EPHA3: variants seen among roughly 807,000 people sequenced by gnomAD.
The protein encoded by EPHA3 is ephrin type-A receptor 3.
EPHA3 carries 42 observed loss-of-function variants against 107.1 expected under a neutral mutation model. The ratio of observed to expected loss-of-function variants is 0.39; its 90% CI spans 0.31 to 0.51. The LOEUF (loss-of-function observed/expected upper bound fraction) is 0.51. Among genes scored for constraint, EPHA3 ranks in the 20% least tolerant of loss-of-function variants. EPHA3 has a pLI of 0.78. For synonymous variants in EPHA3, 461 were observed against 424.8 expected (o/e 1.09, Z -1.05); for missense variants, 1,183 against 1,211.2 (o/e 0.98, Z 0.35).
intron 13 of EPHA3, among the ~76,000 whole-genome samples, chr3:89,435,932 G>A (rs911258646): frequency 1.8e-4 from 27 of 150,326 alleles, no homozygotes; most frequent in African/African-American, 6.6e-4. Flanking sequence ...TAGCCTGGGG[G>A]ACAGAGTGAG....
At chr3:89,224,566 T>C (rs771003444) in intron 3 of EPHA3, among the ~76,000 whole-genome samples, 4 of 152,082 alleles carry the variant, frequency 2.6e-5, no homozygotes, top group African/African-American at 4.8e-5. Context: ...ATACACTTTT[T>C]GGTCAGACAC....
At chr3:89,313,087 T>C (rs550182380) in intron 3 of EPHA3, among the ~76,000 whole-genome samples, 2 of 152,140 alleles carry the variant, frequency 1.3e-5, no homozygotes, top group South Asian at 4.1e-4. Flanking sequence ...TTGTATTCCT[T>C]TGGGTATATA....
At chr3:89,241,484 A>G (rs1242699166) in intron 3 of EPHA3, among the ~76,000 whole-genome samples, 1 of 152,126 alleles carries the variant, frequency 6.6e-6, no homozygotes, top group Non-Finnish European at 1.5e-5. Flanking sequence ...TAATGATAAC[A>G]TTTCTACTAT....
At chr3:89,157,131 G>A (rs1351301024) in intron 2 of EPHA3, among the ~76,000 whole-genome samples, 1 of 152,008 alleles carries the variant, frequency 6.6e-6, no homozygotes, top group Non-Finnish European at 1.5e-5. Context: ...ATGAAGTGAA[G>A]GTTTGTACTG....
intron 9 of EPHA3, 95 bp downstream of exon 9, chr3:89,408,226 C>A: frequency 8.3e-7 from 1 of 1,198,382 alleles, no homozygotes; most frequent in Non-Finnish European, 1.2e-6. Context: ...GACAAAGAGA[C>A]TTCAAAAGTA....
intron 3 of EPHA3, among the ~76,000 whole-genome samples, chr3:89,315,617 T>C (rs377692597): frequency 7.8e-6 from 1 of 127,424 alleles, no homozygotes; most frequent in East Asian, 2.3e-4. Context: ...TCCTTTTTAA[T>C]AAAAAAAAAA....
At chr3:89,260,011 C>T (rs1157119717) in intron 3 of EPHA3, among the ~76,000 whole-genome samples, 1 of 152,194 alleles carries the variant, frequency 6.6e-6, no homozygotes, top group East Asian at 1.9e-4. Flanking sequence ...TTTTCAAAGG[C>T]TAAGTAATGT....
intron 3 of EPHA3, among the ~76,000 whole-genome samples, chr3:89,305,737 C>G (rs1288414266): frequency 6.6e-6 from 1 of 152,050 alleles, no homozygotes; most frequent in Non-Finnish European, 1.5e-5. Flanking sequence ...ATCGCTTTCC[C>G]ATGTTTGACT....
At chr3:89,156,433 T>C (rs568590429) in intron 2 of EPHA3, among the ~76,000 whole-genome samples, 2 of 152,228 alleles carry the variant, frequency 1.3e-5, no homozygotes, top group African/African-American at 4.8e-5. Context: ...ATAAATTGTT[T>C]ATTTTTTAAG....
intron 5 of EPHA3, among the ~76,000 whole-genome samples, chr3:89,363,209 G>C (rs1046962441): frequency 6.6e-6 from 1 of 150,778 alleles, no homozygotes; most frequent in African/African-American, 2.4e-5. Flanking sequence ...GAGATAGAGA[G>C]GGGGCAGGGA....
At chr3:89,205,402 A>T (rs1706075709) in intron 2 of EPHA3, among the ~76,000 whole-genome samples, 1 of 152,206 alleles carries the variant, frequency 6.6e-6, no homozygotes, top group African/African-American at 2.4e-5. Context: ...TATCTAGAAA[A>T]TATAAACTAA....
chr3:89,428,419 G>C (rs192063844), intron 11 of EPHA3, among the ~76,000 whole-genome samples: 1 of 151,962 alleles, frequency 6.6e-6, no homozygotes, highest in Non-Finnish European at 1.5e-5. Flanking sequence ...TGGGTTAAAG[G>C]TTTCATGGTA....
At chr3:89,201,007 G>C (rs1217442997) in intron 2 of EPHA3, among the ~76,000 whole-genome samples, 1 of 152,116 alleles carries the variant, frequency 6.6e-6, no homozygotes, top group Admixed American at 6.5e-5. Context: ...CTGTTTTCAC[G>C]TTGCTATAAA....
intron 16 of EPHA3, among the ~76,000 whole-genome samples, chr3:89,476,731 C>T (rs1396282738): frequency 2.6e-5 from 4 of 151,590 alleles, no homozygotes; most frequent in African/African-American, 7.3e-5. Flanking sequence ...CCTCAGCCTC[C>T]GGAGTAGCTG....
intron 3 of EPHA3, among the ~76,000 whole-genome samples, chr3:89,240,927 A>G (rs1704879235): frequency 6.6e-6 from 1 of 152,160 alleles, no homozygotes. Context: ...ATAAAATAAC[A>G]CAGTACATCT....
At chr3:89,439,890 A>T (rs545842349) in intron 13 of EPHA3, among the ~76,000 whole-genome samples, 2 of 152,194 alleles carry the variant, frequency 1.3e-5, no homozygotes, top group Admixed American at 6.5e-5. Context: ...AAGCATTATG[A>T]GTTTGTTTTT....
chr3:89,251,551 A>C (rs965999187), intron 3 of EPHA3, among the ~76,000 whole-genome samples: 4 of 152,128 alleles, frequency 2.6e-5, no homozygotes, highest in South Asian at 2.1e-4. Flanking sequence ...ATTAATAGAG[A>C]TAGAAACCAC....
intron 3 of EPHA3, among the ~76,000 whole-genome samples, chr3:89,222,145 T>G (rs1214441902): frequency 6.6e-6 from 1 of 151,932 alleles, no homozygotes; most frequent in Non-Finnish European, 1.5e-5. Context: ...TAGGAGATGA[T>G]GGCTAGTGGA....
intron 3 of EPHA3, among the ~76,000 whole-genome samples, chr3:89,231,679 A>G (rs1406365816): frequency 6.6e-6 from 1 of 152,164 alleles, no homozygotes; most frequent in African/African-American, 2.4e-5. Context: ...GGTGATATGA[A>G]CTTTAGAAGG....
Sources: gnomAD v4.1 joint callset for allele counts (sites outside exome capture counted in the v4.1 genomes callset) on GRCh38, gnomAD v4.1.1 for gene constraint, MANE v1.5 for transcripts, NCBI Gene and HGNC (gene_info 2026-07-23, HGNC 2026-07-21) for gene names.